Variants in RBMS3 observed in about 807,000 individuals in gnomAD.
RBMS3 encodes RNA binding motif single stranded interacting protein 3.
A neutral mutation model predicts 66.8 loss-of-function variants in RBMS3; 27 were observed. That is an observed-to-expected ratio of 0.40 (90% confidence interval 0.30 to 0.56). RBMS3 has a LOEUF of 0.56. RBMS3 is among the 20% of genes least tolerant of loss of function. The pLI, the probability that RBMS3 is intolerant of heterozygous loss-of-function variation, is 0.40. For synonymous variants in RBMS3, 188 were observed against 183.0 expected, an observed-to-expected ratio of 1.03 and a Z score of -0.22; for missense variants, 513 against 549.5, an observed-to-expected ratio of 0.93 and a Z score of 0.66.
intron 4 of RBMS3, among the ~76,000 whole-genome samples, chr3:29,729,117 A>G (rs1480540109): frequency 2.0e-5 from 3 of 151,842 alleles, no homozygotes; most frequent in Admixed American, 6.6e-5. Flanking sequence ...ATTTCTCCTA[A>G]TGCTATCCCT....
chr3:29,817,894 C>T (rs2057959508), intron 6 of RBMS3, among the ~76,000 whole-genome samples: 1 of 151,990 alleles, frequency 6.6e-6, no homozygotes, highest in African/African-American at 2.4e-5. Context: ...ATTATTGAAC[C>T]ACCAAATATA....
intron 1 of RBMS3, among the ~76,000 whole-genome samples, chr3:29,287,102 G>A (rs1168689404): frequency 6.6e-6 from 1 of 152,122 alleles, no homozygotes; most frequent in South Asian, 2.1e-4. Context: ...GGTGTAATAC[G>A]TGTGTTGAGG....
chr3:29,978,692 A>G (rs1013736546), intron 12 of RBMS3, among the ~76,000 whole-genome samples: 18 of 152,156 alleles, frequency 1.2e-4, no homozygotes, highest in African/African-American at 4.3e-4. Context: ...AATCAATGGC[A>G]TGTTTCTATA....
At chr3:29,424,326 C>T (rs1016708988) in intron 1 of RBMS3, among the ~76,000 whole-genome samples, 11 of 152,202 alleles carry the variant, frequency 7.2e-5, no homozygotes, top group Non-Finnish European at 1.5e-5. Flanking sequence ...TAACATCCCC[C>T]TCTTTTGCTC....
intron 1 of RBMS3, among the ~76,000 whole-genome samples, chr3:29,399,950 G>A (rs2039733347): frequency 6.6e-6 from 1 of 151,974 alleles, no homozygotes; most frequent in Non-Finnish European, 1.5e-5. Context: ...AAAAACTGTA[G>A]GGATCAAATT....
chr3:29,372,739 T>A (rs1038160975), intron 1 of RBMS3, among the ~76,000 whole-genome samples: 1 of 152,116 alleles, frequency 6.6e-6, no homozygotes, highest in Non-Finnish European at 1.5e-5. Flanking sequence ...AAACTACTAA[T>A]TGAAATATGT....
intron 4 of RBMS3, among the ~76,000 whole-genome samples, chr3:29,700,219 G>A (rs1187697448): frequency 6.6e-6 from 1 of 152,110 alleles, no homozygotes; most frequent in Non-Finnish European, 1.5e-5. Context: ...ATCTATTATA[G>A]ATGTGTTACA....
At chr3:29,722,981 T>G (rs549236056) in intron 4 of RBMS3, among the ~76,000 whole-genome samples, 1 of 152,108 alleles carries the variant, frequency 6.6e-6, no homozygotes, top group Admixed American at 6.5e-5. Context: ...TTTCTTTTCT[T>G]TTTTGTTTTT....
rs1697435662 is a variant in RBMS3 at position 29,974,618 on chromosome 3, TA to T, written c.1099-13518del. 2.0e-5 allele frequency among the ~76,000 whole-genome samples: 3 copies of T among 151,524 alleles called. No homozygotes were observed. In the South Asian group the frequency reaches 6.2e-4, roughly 31 times the overall value. ...CCCTTTTATAATCCCCACAAAAGTATAAAAAAATCCTAATTTCCATTGCCAT... is the reference window on the plus strand; with the variant it reads ...CCCTTTTATAATCCCCACAAAAGTATAAAAAATCCTAATTTCCATTGCCAT... On this transcript the variant is annotated intron_variant, in intron 12 of 14. Transcript: ENST00000383767.
intron 4 of RBMS3, among the ~76,000 whole-genome samples, chr3:29,669,169 G>A (rs1005437663): frequency 6.6e-6 from 1 of 152,290 alleles, no homozygotes; most frequent in African/African-American, 2.4e-5. Flanking sequence ...GTGTGCTCCC[G>A]AACCCTCATG....
In RBMS3 at chr3:29,951,915, C is replaced by A. The variant is rs1695707011; in HGVS notation, c.1098+7661C>A. On this transcript the variant is annotated intron_variant, in intron 12 of 14. Coordinates refer to ENST00000383767, the MANE Select transcript of RBMS3 (RefSeq NM_001003793.3). ...ATGATTTTGAGGCCTAAAACATACACATGAAAAAATCTAGAAAAGAATGCA... is the reference window on the plus strand; with the variant it reads ...ATGATTTTGAGGCCTAAAACATACAAATGAAAAAATCTAGAAAAGAATGCA... Among the ~76,000 whole-genome samples the A allele has an allele frequency of 4.0e-5, 6 of 151,668 alleles. No individual in the cohort carries two copies. The South Asian group carries it at 1.2e-3, about 32-fold the overall frequency.
chr3:29,649,339 T>G (rs1445486755), intron 4 of RBMS3, among the ~76,000 whole-genome samples: 1 of 152,222 alleles, frequency 6.6e-6, no homozygotes, highest in Non-Finnish European at 1.5e-5. Flanking sequence ...GATGGAGTTG[T>G]ACAAATGTCA....
chr3:29,407,849 C>T (rs190112614), intron 1 of RBMS3, among the ~76,000 whole-genome samples: 384 of 152,224 alleles, frequency 2.5e-3, no homozygotes, highest in Non-Finnish European at 4.1e-3. Flanking sequence ...AATATTCTAA[C>T]TTGACTAATA....
At chr3:29,867,785 G>A (rs1398933855) in intron 6 of RBMS3, among the ~76,000 whole-genome samples, 2 of 151,476 alleles carry the variant, frequency 1.3e-5, no homozygotes, top group Admixed American at 6.6e-5. Flanking sequence ...TCAAGAATTA[G>A]GGCCTTTAGT....
intron 5 of RBMS3, among the ~76,000 whole-genome samples, chr3:29,740,357 C>T (rs2054582259): frequency 6.6e-6 from 1 of 151,888 alleles, no homozygotes; most frequent in South Asian, 2.1e-4. Context: ...CTGAGAAGAC[C>T]CAGCAAACTC....
intron 6 of RBMS3, among the ~76,000 whole-genome samples, chr3:29,776,237 T>A (rs1003224771): frequency 6.6e-6 from 1 of 152,044 alleles, no homozygotes; most frequent in African/African-American, 2.4e-5. Context: ...ATGAATTTAA[T>A]TTCTGGAAGA....
At chr3:29,412,954 C>T (rs1324772750) in intron 1 of RBMS3, among the ~76,000 whole-genome samples, 5 of 152,196 alleles carry the variant, frequency 3.3e-5, no homozygotes, top group Non-Finnish European at 7.3e-5. Context: ...CAGTAGACTG[C>T]TCATTTTCAA....
chr3:29,335,186 A>G (rs1386196258), intron 1 of RBMS3, among the ~76,000 whole-genome samples: 3 of 151,920 alleles, frequency 2.0e-5, no homozygotes, highest in Admixed American at 1.3e-4. Flanking sequence ...TGTTCTTCCT[A>G]CAAAAGACTA....
chr3:29,418,965 C>A (rs923286039), intron 1 of RBMS3, among the ~76,000 whole-genome samples: 2 of 152,100 alleles, frequency 1.3e-5, no homozygotes, highest in African/African-American at 2.4e-5. Flanking sequence ...TAGACCATTC[C>A]ATCATTCTAT....
Sources: gnomAD v4.1 joint callset for allele counts (sites outside exome capture counted in the v4.1 genomes callset) on GRCh38, gnomAD v4.1.1 for gene constraint, MANE v1.5 for transcripts, NCBI Gene and HGNC (gene_info 2026-07-23, HGNC 2026-07-21) for gene names.